The following SCUBE2 variants were observed in gnomAD, a reference collection of about 807,000 sequenced individuals.
The protein encoded by SCUBE2 is signal peptide, CUB domain and EGF like domain containing 2.
In SCUBE2, 114 loss-of-function variants were observed where a neutral mutation model predicts 125.9. The ratio of observed to expected loss-of-function variants is 0.91; its 90% CI spans 0.78 to 1.06. The LOEUF is 1.06. SCUBE2 is among the 50% of genes least tolerant of loss of function. The pLI is 0.00. For synonymous variants in SCUBE2, 459 were observed against 492.9 expected (o/e 0.93, Z 0.91); for missense variants, 1,255 against 1,301.8 (o/e 0.96, Z 0.55).
At chr11:9,055,109 T>A (rs2135507882) in intron 10 of SCUBE2, among the ~76,000 whole-genome samples, 1 of 152,196 alleles carries the variant, frequency 6.6e-6, no homozygotes, top group East Asian at 1.9e-4. Context: ...ATCCTATAGA[T>A]CCTCAGGAAG....
intron 7 of SCUBE2, 129 bp from the exon 8 acceptor site, chr11:9,060,653 T>A: frequency 1.4e-6 from 1 of 718,396 alleles, no homozygotes; most frequent in Non-Finnish European, 2.5e-6. Flanking sequence ...TACCTGCAGA[T>A]GGGCTAGAGG....
chr11:9,022,908 G>A (rs1018356632), intron 21 of SCUBE2, among the ~76,000 whole-genome samples: 7 of 151,982 alleles, frequency 4.6e-5, no homozygotes, highest in African/African-American at 1.7e-4. Flanking sequence ...AAACAATCAA[G>A]CTTCTTATCC....
chr11:9,061,270 G>T (rs1171862562), intron 7 of SCUBE2, among the ~76,000 whole-genome samples: 2 of 152,214 alleles, frequency 1.3e-5, no homozygotes, highest in Non-Finnish European at 2.9e-5. Flanking sequence ...GGGGGTGGGG[G>T]GTGGTGGCGA....
chr11:9,091,453 GC>G lies in SCUBE2; in HGVS notation c.75del (p.Leu26CysfsTer21). On this transcript the variant is annotated frameshift_variant, in exon 1 of 23. Coordinates refer to ENST00000649792, the MANE Select transcript of SCUBE2 (RefSeq NM_001367977.2). LOFTEE classifies it high-confidence loss of function. This position sits in a 1 kb window ranked among gnomAD's most constrained non-coding sequence, Gnocchi z 8.5. The part of the protein sequence containing the change: ...VLLLLLLLPP[L>X]LLLAGAVPPG... ...GGCGGGACGGCCCCCGCCAGCAGCA[GC>G]AGTGGCGGCAGCAGCAGCAGCAGCA... 1 of 1,308,096 alleles carries G rather than the reference GC, an allele frequency of 7.6e-7. No homozygotes were observed. Among genetic ancestry groups the G allele is most frequent in the South Asian group, 1.9e-5 (1 of 53,952 alleles). The allele number at this position is 1,308,096 out of a possible 1,614,324, so 81.0% of individuals were successfully genotyped here.
chr11:9,059,477 C>T (rs760917724), intron 8 of SCUBE2, 52 bp from the exon 9 acceptor site: 1 of 1,578,418 alleles, frequency 6.3e-7, no homozygotes. Flanking sequence ...GCCTCATTTC[C>T]CACAACTCCC....
chr11:9,063,467 T>C (rs887369228), intron 7 of SCUBE2, among the ~76,000 whole-genome samples: 30 of 152,264 alleles, frequency 2.0e-4, no homozygotes, highest in African/African-American at 6.7e-4. Flanking sequence ...GGATCAAGAA[T>C]AAAAATGATT....
chr11:9,043,817 T>C (rs1003142025), intron 16 of SCUBE2, among the ~76,000 whole-genome samples: 18 of 151,410 alleles, frequency 1.2e-4, no homozygotes, highest in African/African-American at 4.4e-4. Context: ...TTTTTTTTTT[T>C]GCTTACCAGA....
At chr11:9,088,368 A>C (rs1475929326) in intron 2 of SCUBE2, among the ~76,000 whole-genome samples, 1 of 152,206 alleles carries the variant, frequency 6.6e-6, no homozygotes, top group Non-Finnish European at 1.5e-5. Flanking sequence ...GGCGCCTGTA[A>C]TCCCAGCTAC....
intron 13 of SCUBE2, 57 bp from the exon 14 acceptor site, chr11:9,050,767 C>A: frequency 3.7e-6 from 5 of 1,355,550 alleles, no homozygotes; most frequent in Non-Finnish European, 5.3e-6. Context: ...ATGGAGACAC[C>A]AGATGGGAAG....
chr11:9,088,153 C>T (rs1391955193), intron 2 of SCUBE2, among the ~76,000 whole-genome samples: 1 of 152,248 alleles, frequency 6.6e-6, no homozygotes. Flanking sequence ...GGTCTGGACA[C>T]TAGGCCATTA....
In SCUBE2 at chr11:9,020,986, C is replaced by T; in HGVS notation, c.*59G>A. Reference sequence around the variant, plus strand: ...ACTGTGCTGACATGCAGAAGGAAGACAGCTCTGTCCCACCAACCCTATAGC... The same window carrying T: ...ACTGTGCTGACATGCAGAAGGAAGATAGCTCTGTCCCACCAACCCTATAGC... On this transcript the variant is annotated 3_prime_UTR_variant, in exon 23 of 23. Coordinates refer to ENST00000649792, the MANE Select transcript of SCUBE2 (RefSeq NM_001367977.2). 6.6e-7 allele frequency: 1 copy of T among 1,515,062 alleles called. No individual in the cohort carries two copies. Among genetic ancestry groups the T allele is most frequent in the Non-Finnish European group, 9.0e-7 (1 of 1,116,154 alleles). The allele number at this position is 1,515,062 out of a possible 1,614,324, so 93.9% of individuals were successfully genotyped here. A position where few individuals can be genotyped will look rare whatever the true frequency, so the allele number is the denominator to read the frequency against.
chr11:9,056,631 G>A (rs921704054), intron 9 of SCUBE2, among the ~76,000 whole-genome samples: 3 of 152,156 alleles, frequency 2.0e-5, no homozygotes, highest in South Asian at 2.1e-4. Flanking sequence ...TGGCTGCAGC[G>A]GGGGTCATGC....
intron 17 of SCUBE2, among the ~76,000 whole-genome samples, chr11:9,032,964 G>A (rs1457768752): frequency 6.6e-6 from 1 of 152,088 alleles, no homozygotes; most frequent in Non-Finnish European, 1.5e-5. Context: ...GGACAGCCGT[G>A]GGAGCAGCAC....
rs1324532498 is a variant in SCUBE2 at position 9,021,957 on chromosome 11, T to C, written c.2855-2A>G. On this transcript the variant is annotated splice_acceptor_variant, in intron 21 of 22. Coordinates refer to ENST00000649792, the MANE Select transcript of SCUBE2 (RefSeq NM_001367977.2). LOFTEE classifies it high-confidence loss of function. Reference sequence around the variant, plus strand: ...CTTCAATGAGTTCCTGGTAGTCCTCTGTTGGAATAAAGAACATGTTTTGCA... The same window carrying C: ...CTTCAATGAGTTCCTGGTAGTCCTCCGTTGGAATAAAGAACATGTTTTGCA... 1.3e-5 allele frequency: 21 copies of C among 1,609,216 alleles called. No homozygotes were observed. Among genetic ancestry groups the C allele is most frequent in the Non-Finnish European group, 1.7e-5 (20 of 1,175,598 alleles).
chr11:9,074,681 C>T, intron 3 of SCUBE2, 66 bp from the exon 4 acceptor site: 1 of 1,574,730 alleles, frequency 6.4e-7, no homozygotes. Context: ...CACCCAGCAG[C>T]TCAGGGGCCC....
At chr11:9,061,180 A>G (rs544837952) in intron 7 of SCUBE2, among the ~76,000 whole-genome samples, 4 of 152,306 alleles carry the variant, frequency 2.6e-5, no homozygotes, top group Admixed American at 6.5e-5. Context: ...GACAAGTGCT[A>G]TTCAACATTC....
intron 4 of SCUBE2, among the ~76,000 whole-genome samples, chr11:9,071,009 C>A (rs531372186): frequency 6.6e-6 from 1 of 152,310 alleles, no homozygotes; most frequent in South Asian, 2.1e-4. Flanking sequence ...CTTGCTCTGG[C>A]TGGTAATTCC....
intron 9 of SCUBE2, among the ~76,000 whole-genome samples, chr11:9,058,885 G>C (rs1859380325): frequency 6.6e-6 from 1 of 152,142 alleles, no homozygotes; most frequent in African/African-American, 2.4e-5. Context: ...CCAAGTTTTT[G>C]CTAGGGAGGT....
At chr11:9,084,809 T>G (rs941193004) in intron 2 of SCUBE2, among the ~76,000 whole-genome samples, 2 of 152,238 alleles carry the variant, frequency 1.3e-5, no homozygotes, top group Admixed American at 6.5e-5. Flanking sequence ...AGTGGTGCCA[T>G]CATAGCTCAC....
Sources: gnomAD v4.1 joint callset for allele counts (sites outside exome capture counted in the v4.1 genomes callset) on GRCh38, gnomAD v4.1.1 for gene constraint, Gnocchi (gnomAD v3.1) non-coding constraint, MANE v1.5 for transcripts, NCBI Gene and HGNC (gene_info 2026-07-23, HGNC 2026-07-21) for gene names.